The following FAM227B variants were observed in gnomAD, a reference collection of about 807,000 sequenced individuals.
FAM227B encodes the protein family with sequence similarity 227 member B.
A neutral mutation model predicts 73.8 loss-of-function variants in FAM227B; 88 were observed. The observed-to-expected ratio is 1.19, with a 90% CI of 1.00 to 1.42. FAM227B has a LOEUF of 1.42. FAM227B is among the 40% of genes most tolerant of loss of function. FAM227B has a pLI of 0.00. For missense variants in FAM227B, 632 were observed against 590.9 expected, an observed-to-expected ratio of 1.07 and a Z score of -0.72; for synonymous variants, 210 against 190.5, an observed-to-expected ratio of 1.10 and a Z score of -0.84.
In FAM227B at chr15:49,577,668, G is replaced by A. The variant is rs778983824; in HGVS notation, c.406-4C>T. On this transcript the variant is annotated splice_polypyrimidine_tract_variant and splice_region_variant and intron_variant, in intron 5 of 15. Coordinates refer to ENST00000299338, the MANE Select transcript of FAM227B (RefSeq NM_152647.3). ...CTGTCTCCATTTCATCTGAAAGCTG[G>A]AAAACATTTTAAATAAACTCTTTAA... The A allele has an allele frequency of 1.9e-6, 3 of 1,546,622 alleles. No individual in the cohort carries two copies. Among genetic ancestry groups the A allele is most frequent in the African/African-American group, 1.4e-5 (1 of 72,414 alleles).
intron 11 of FAM227B, among the ~76,000 whole-genome samples, chr15:49,463,644 C>T (rs934652034): frequency 1.3e-5 from 2 of 151,918 alleles, no homozygotes; most frequent in African/African-American, 4.8e-5. Context: ...CCTGGAAGTT[C>T]GCTGTGTATA....
At chr15:49,581,330 CTT>C (rs752126650) in intron 5 of FAM227B, among the ~76,000 whole-genome samples, 20 of 144,024 alleles carry the variant, frequency 1.4e-4, no homozygotes, top group Admixed American at 2.1e-4. Flanking sequence ...ATTCAGTATT[CTT>C]TTTTTTTTTT....
chr15:49,620,139 T>C (rs906152667), intron 1 of FAM227B: 1 of 152,172 alleles, frequency 6.6e-6, no homozygotes, highest in Admixed American at 6.5e-5. Context: ...CTTACCCAAG[T>C]CCGAAAAAGA....
chr15:49,581,234 A>C (rs2075791670), intron 5 of FAM227B, among the ~76,000 whole-genome samples: 1 of 152,220 alleles, frequency 6.6e-6, no homozygotes, highest in African/African-American at 2.4e-5. Context: ...AGAGAAGGGC[A>C]GGTAAACCTA....
intron 11 of FAM227B, among the ~76,000 whole-genome samples, chr15:49,402,277 G>A (rs1478272866): frequency 2.0e-5 from 3 of 152,130 alleles, no homozygotes; most frequent in African/African-American, 7.2e-5. Context: ...GGCTATTTGG[G>A]CTCTTTTTGG....
intron 15 of FAM227B, chr15:49,330,152 G>T (rs1246111844): frequency 6.6e-6 from 1 of 152,248 alleles, no homozygotes; most frequent in African/African-American, 2.4e-5. Context: ...AAAAGCTGTG[G>T]AGTGCACACT....
chr15:49,570,303 T>C (rs964141235), intron 8 of FAM227B, among the ~76,000 whole-genome samples: 1 of 151,930 alleles, frequency 6.6e-6, no homozygotes, highest in Non-Finnish European at 1.5e-5. Flanking sequence ...ATCTTTCATC[T>C]TTTTGATAAC....
rs937049488 is a variant in FAM227B at position 49,349,443 on chromosome 15, C to T, written c.1272-13947G>A. Among the ~76,000 whole-genome samples the T allele has an allele frequency of 8.5e-5, 13 of 152,262 alleles. No individual in the cohort carries two copies. In the East Asian group the frequency reaches 2.3e-3, roughly 27 times the overall value. ...CAAAAATAAAATAAAATGTCTTTCTCTAAGAGCAAAATTTAAATACTTGAT... is the reference window on the plus strand; with the variant it reads ...CAAAAATAAAATAAAATGTCTTTCTTTAAGAGCAAAATTTAAATACTTGAT... On this transcript the variant is annotated intron_variant, in intron 13 of 15. Coordinates refer to ENST00000299338, the MANE Select transcript of FAM227B (RefSeq NM_152647.3).
chr15:49,539,671 G>A (rs1017710786), intron 10 of FAM227B, among the ~76,000 whole-genome samples: 2 of 152,190 alleles, frequency 1.3e-5, no homozygotes, highest in African/African-American at 4.8e-5. Context: ...AGTGTCATGG[G>A]TGCAGGTGTT....
chr15:49,471,795 G>A (rs2151968534), intron 11 of FAM227B, among the ~76,000 whole-genome samples: 1 of 152,196 alleles, frequency 6.6e-6, no homozygotes, highest in East Asian at 1.9e-4. Flanking sequence ...AGTTTGCTGA[G>A]TGGGGAGCTG....
chr15:49,416,849 C>T (rs891733897), intron 11 of FAM227B, among the ~76,000 whole-genome samples: 11 of 151,556 alleles, frequency 7.3e-5, no homozygotes, highest in African/African-American at 2.4e-4. Context: ...GAAAGATCTC[C>T]AAAATGAAAA....
chr15:49,364,753 T>C (rs2044832383), intron 13 of FAM227B, among the ~76,000 whole-genome samples: 1 of 152,118 alleles, frequency 6.6e-6, no homozygotes. Flanking sequence ...TTATTTACAG[T>C]AAAACCCATT....
At chr15:49,392,554 G>C (rs2047287202) in intron 11 of FAM227B, among the ~76,000 whole-genome samples, 1 of 152,174 alleles carries the variant, frequency 6.6e-6, no homozygotes, top group African/African-American at 2.4e-5. Flanking sequence ...GCAAGACAAT[G>C]AACAGACCAC....
chr15:49,399,834 T>C (rs1410401650), intron 11 of FAM227B, among the ~76,000 whole-genome samples: 1 of 102,496 alleles, frequency 9.8e-6, no homozygotes, highest in Admixed American at 1.0e-4. Flanking sequence ...AAATTAGGTA[T>C]TGATGGGACG....
chr15:49,531,851 T>C (rs1231697689), intron 10 of FAM227B, among the ~76,000 whole-genome samples: 1 of 151,914 alleles, frequency 6.6e-6, no homozygotes, highest in African/African-American at 2.4e-5. Context: ...AGAAGGCAAA[T>C]ATAATTTGTG....
At chr15:49,428,811 C>T (rs1258707597) in intron 11 of FAM227B, among the ~76,000 whole-genome samples, 1 of 151,938 alleles carries the variant, frequency 6.6e-6, no homozygotes, top group Admixed American at 6.6e-5. Flanking sequence ...CTGTTAGTTC[C>T]ATAGCAAGAA....
chr15:49,380,770 C>T (rs1449517164), intron 11 of FAM227B, among the ~76,000 whole-genome samples: 1 of 152,006 alleles, frequency 6.6e-6, no homozygotes, highest in Non-Finnish European at 1.5e-5. Flanking sequence ...AGCTACTTAA[C>T]TCCTCTGAAT....
chr15:49,487,323 T>A (rs1246901925), intron 11 of FAM227B: 1 of 151,340 alleles, frequency 6.6e-6, no homozygotes, highest in Non-Finnish European at 1.5e-5. Flanking sequence ...TTCTAACAAT[T>A]AGAAAAGAAA....
chr15:49,361,163 C>G (rs949984751), intron 13 of FAM227B, among the ~76,000 whole-genome samples: 1 of 151,910 alleles, frequency 6.6e-6, no homozygotes, highest in Non-Finnish European at 1.5e-5. Flanking sequence ...TCACTTTTTA[C>G]CCCATAAATA....
Sources: gnomAD v4.1 joint callset for allele counts (sites outside exome capture counted in the v4.1 genomes callset) on GRCh38, gnomAD v4.1.1 for gene constraint, MANE v1.5 for transcripts, NCBI Gene and HGNC (gene_info 2026-07-23, HGNC 2026-07-21) for gene names.